The following TASP1 variants were observed in gnomAD, a reference collection of about 807,000 sequenced individuals.
TASP1 encodes the protein threonine aspartase 1.
In TASP1, 16 loss-of-function variants were observed where a neutral mutation model predicts 56.6. The observed-to-expected ratio is 0.28, with a 90% confidence interval of 0.19 to 0.43. TASP1 has a LOEUF of 0.43. Among genes scored for constraint, TASP1 ranks in the 20% least tolerant of loss-of-function variants. The pLI is 1.00. For missense variants in TASP1, 393 were observed against 511.6 expected (o/e 0.77, Z 2.24); for synonymous variants, 179 against 184.2 (o/e 0.97, Z 0.23).
intron 11 of TASP1, among the ~76,000 whole-genome samples, chr20:13,461,522 C>T (rs2044051043): frequency 6.6e-6 from 1 of 152,084 alleles, no homozygotes; most frequent in Admixed American, 6.6e-5. Flanking sequence ...ATTATCTAGG[C>T]CAGGAATTGG....
the TASP1 span, among the ~76,000 whole-genome samples, chr20:13,306,410 C>T: frequency 6.6e-6 from 1 of 151,982 alleles, no homozygotes; most frequent in Non-Finnish European, 1.5e-5. Flanking sequence ...ACAAGCACCA[C>T]TTTAAATTTT....
the TASP1 span, among the ~76,000 whole-genome samples, chr20:13,170,811 A>T: frequency 6.6e-6 from 1 of 152,218 alleles, no homozygotes; most frequent in Non-Finnish European, 1.5e-5. Context: ...CCAAGAACTA[A>T]GGCAAGGAAA....
intron 11 of TASP1, among the ~76,000 whole-genome samples, chr20:13,444,273 T>C (rs770521356): frequency 6.6e-6 from 1 of 152,202 alleles, no homozygotes; most frequent in Non-Finnish European, 1.5e-5. Flanking sequence ...AGGCATTCTG[T>C]AGCTAGAAGG....
At chr20:13,212,291 G>A in the TASP1 span, among the ~76,000 whole-genome samples, 1 of 152,020 alleles carries the variant, frequency 6.6e-6, no homozygotes, top group East Asian at 1.9e-4. Context: ...TAGGAGCCTG[G>A]GTCCCCTCAT....
intron 4 of TASP1, among the ~76,000 whole-genome samples, chr20:13,599,785 G>A (rs1230113510): frequency 4.1e-5 from 6 of 147,836 alleles, no homozygotes; most frequent in Admixed American, 2.0e-4. Flanking sequence ...ACATCCATTC[G>A]TGATTTAAAA....
At chr20:13,321,883 T>C in the TASP1 span, among the ~76,000 whole-genome samples, 1 of 152,218 alleles carries the variant, frequency 6.6e-6, no homozygotes, top group Non-Finnish European at 1.5e-5. Flanking sequence ...GACTCCCTAA[T>C]TGGCTGCATG....
At chr20:13,527,512 G>A (rs1248360761) in intron 10 of TASP1, among the ~76,000 whole-genome samples, 1 of 152,028 alleles carries the variant, frequency 6.6e-6, no homozygotes, top group South Asian at 2.1e-4. Context: ...AAGGCTTCAC[G>A]TACATCTGGC....
chr20:13,357,084 CATGG>C, the TASP1 span, among the ~76,000 whole-genome samples: 2 of 151,632 alleles, frequency 1.3e-5, no homozygotes, highest in Admixed American at 1.3e-4. Flanking sequence ...TTCCTCATTC[CATGG>C]AGTAGGGAAG....
chr20:13,160,054 A>C, the TASP1 span: 1 of 1,612,648 alleles, frequency 6.2e-7, no homozygotes, highest in Non-Finnish European at 8.5e-7. Context: ...TGGTCGTGGG[A>C]TTTCCAGCCA....
the TASP1 span, among the ~76,000 whole-genome samples, chr20:13,328,933 GCACATGCAC>G: frequency 6.6e-6 from 1 of 151,978 alleles, no homozygotes; most frequent in East Asian, 1.9e-4. Flanking sequence ...TGCACATCCT[GCACATGCAC>G]CACTGAACTT....
At chr20:13,202,917 T>C in the TASP1 span, among the ~76,000 whole-genome samples, 1 of 152,242 alleles carries the variant, frequency 6.6e-6, no homozygotes, top group East Asian at 1.9e-4. Context: ...AGTTAAGCTA[T>C]AGTTCACTAT....
the TASP1 span, among the ~76,000 whole-genome samples, chr20:13,325,172 G>A: frequency 1.3e-5 from 2 of 152,168 alleles, no homozygotes; most frequent in Non-Finnish European, 1.5e-5. Flanking sequence ...GGGGTGAGGT[G>A]GGGGGATGGC....
the TASP1 span, among the ~76,000 whole-genome samples, chr20:13,341,797 G>A: frequency 2.6e-5 from 4 of 152,224 alleles, no homozygotes; most frequent in African/African-American, 9.6e-5. Flanking sequence ...TCATGCATCT[G>A]TGATGAAACG....
chr20:13,582,872 C>T (rs1021408384), intron 5 of TASP1, among the ~76,000 whole-genome samples: 1 of 152,124 alleles, frequency 6.6e-6, no homozygotes, highest in Non-Finnish European at 1.5e-5. Flanking sequence ...CCTTTGCCAG[C>T]TAGCACAATA....
chr20:13,302,267 G>A, the TASP1 span, among the ~76,000 whole-genome samples: 1 of 152,140 alleles, frequency 6.6e-6, no homozygotes. Context: ...TGGAAGGTGG[G>A]GTAAATTGGA....
chr20:13,483,163 T>G (rs777719144), intron 11 of TASP1, 64 bp downstream of exon 11: 5 of 1,214,054 alleles, frequency 4.1e-6, no homozygotes, highest in East Asian at 5.1e-5. Context: ...ACCTGACTCA[T>G]AGTGCTTATA....
chr20:13,282,689 C>T, the TASP1 span, among the ~76,000 whole-genome samples: 1 of 152,162 alleles, frequency 6.6e-6, no homozygotes, highest in Non-Finnish European at 1.5e-5. Flanking sequence ...GACTGGACAT[C>T]GGGATTGCTA....
chr20:13,253,707 CT>C, the TASP1 span, among the ~76,000 whole-genome samples: 5 of 152,040 alleles, frequency 3.3e-5, no homozygotes, highest in African/African-American at 1.2e-4. Flanking sequence ...CACTGCTGGC[CT>C]GGGGCCCCCA....
the TASP1 span, among the ~76,000 whole-genome samples, chr20:13,280,683 C>T: frequency 1.3e-5 from 2 of 152,164 alleles, no homozygotes; most frequent in African/African-American, 4.8e-5. Flanking sequence ...GGAACACACA[C>T]TCGTAAGGCC....
Sources: gnomAD v4.1 joint callset for allele counts (sites outside exome capture counted in the v4.1 genomes callset) on GRCh38, gnomAD v4.1.1 for gene constraint, MANE v1.5 for transcripts, NCBI Gene and HGNC (gene_info 2026-07-23, HGNC 2026-07-21) for gene names.